The following TCF20 variants were observed in gnomAD, a reference collection of about 807,000 sequenced individuals.
TCF20 encodes the protein transcription factor 20.
In TCF20, 3 loss-of-function variants were observed where a neutral mutation model predicts 148.6. The observed-to-expected ratio is 0.02, with a 90% CI of 0.01 to 0.05. TCF20 has a LOEUF of 0.05. Ranked by LOEUF, TCF20 falls within the 10% of genes least tolerant of loss-of-function variation. TCF20 has a pLI of 1.00. For synonymous variants in TCF20, 1,049 were observed against 909.5 expected, an observed-to-expected ratio of 1.15 and a Z score of -2.76; for missense variants, 2,350 against 2,429.3, an observed-to-expected ratio of 0.97 and a Z score of 0.69.
intron 1 of TCF20, among the ~76,000 whole-genome samples, chr22:42,223,301 C>A (rs986602420): frequency 1.3e-5 from 2 of 152,214 alleles, no homozygotes; most frequent in African/African-American, 2.4e-5. Context: ...TCCTCTAGGA[C>A]AAGTTGGAGC....
intron 1 of TCF20, among the ~76,000 whole-genome samples, chr22:42,311,252 AGAAGGG>A (rs1301457432): frequency 6.6e-6 from 1 of 152,266 alleles, no homozygotes; most frequent in Non-Finnish European, 1.5e-5. Context: ...TCAGGGAGGC[AGAAGGG>A]GGCTGCCTAA....
intron 1 of TCF20, among the ~76,000 whole-genome samples, chr22:42,268,429 A>T (rs1926411379): frequency 6.6e-6 from 1 of 152,222 alleles, no homozygotes; most frequent in African/African-American, 2.4e-5. Context: ...GGATGCAGAT[A>T]ATCAGTGCAC....
At chr22:42,188,086 G>A (rs1452006877) in intron 2 of TCF20, among the ~76,000 whole-genome samples, 1 of 151,950 alleles carries the variant, frequency 6.6e-6, no homozygotes, top group Admixed American at 6.6e-5. Flanking sequence ...CTGAGGTCAC[G>A]AGTTTGAGAC....
chr22:42,318,451 G>A (rs1927673851), intron 1 of TCF20, among the ~76,000 whole-genome samples: 1 of 152,218 alleles, frequency 6.6e-6, no homozygotes, highest in Admixed American at 6.5e-5. Context: ...GAGGAGTGCG[G>A]CGCAGCGGAA....
At chr22:42,339,768 C>T (rs527518620) in intron 1 of TCF20, among the ~76,000 whole-genome samples, 5 of 152,210 alleles carry the variant, frequency 3.3e-5, no homozygotes, top group African/African-American at 1.2e-4. Flanking sequence ...CTATCCCAAG[C>T]CTGGGGCAGG....
At chr22:42,223,315 C>CA (rs1187751920) in intron 1 of TCF20, among the ~76,000 whole-genome samples, 1 of 152,212 alleles carries the variant, frequency 6.6e-6, no homozygotes, top group Non-Finnish European at 1.5e-5. Flanking sequence ...TTGGAGCTGA[C>CA]ATTCTGTAAC....
At chr22:42,223,656 T>C (rs1218006583) in intron 1 of TCF20, among the ~76,000 whole-genome samples, 1 of 152,214 alleles carries the variant, frequency 6.6e-6, no homozygotes, top group African/African-American at 2.4e-5. Flanking sequence ...ACCCAGTCTG[T>C]ATTTCCCAAT....
chr22:42,291,934 A>G lies in TCF20; in HGVS notation c.-37+51545T>C, dbSNP rs563996974. 1.1e-4 allele frequency among the ~76,000 whole-genome samples: 16 copies of G among 152,158 alleles called. No homozygotes were observed. The South Asian group carries it at 2.9e-3, about 28-fold the overall frequency. On this transcript the variant is annotated intron_variant, in intron 1 of 1. Transcript: ENST00000515426. ...GATTAAGAGCATCCAAGTTGAAACC[A>G]CAGATGTGAGGGAGGAAGGTCAGGC... is the stretch of plus-strand genomic sequence containing the variant.
At chr22:42,198,956 C>T (rs944715824) in intron 2 of TCF20, among the ~76,000 whole-genome samples, 2 of 152,128 alleles carry the variant, frequency 1.3e-5, no homozygotes, top group African/African-American at 2.4e-5. Flanking sequence ...TGAGCCACTG[C>T]GCCCTGCCCC....
intron 1 of TCF20, among the ~76,000 whole-genome samples, chr22:42,223,627 A>G (rs886822237): frequency 6.6e-6 from 1 of 152,252 alleles, no homozygotes; most frequent in African/African-American, 2.4e-5. Flanking sequence ...GATAAGATAT[A>G]TAATATGCCC....
At chr22:42,220,130 T>A (rs886257557) in intron 1 of TCF20, among the ~76,000 whole-genome samples, 23 of 152,174 alleles carry the variant, frequency 1.5e-4, no homozygotes, top group African/African-American at 5.6e-4. Context: ...GCTTTCTCTG[T>A]CCTTCTTCCT....
intron 1 of TCF20, among the ~76,000 whole-genome samples, chr22:42,266,311 T>C (rs2146990812): frequency 6.6e-6 from 1 of 152,346 alleles, no homozygotes; most frequent in South Asian, 2.1e-4. Context: ...TGTAACACAA[T>C]TTAAAATGCC....
chr22:42,180,990 C>G (rs1377172246), intron 2 of TCF20, among the ~76,000 whole-genome samples: 1 of 152,160 alleles, frequency 6.6e-6, no homozygotes, highest in East Asian at 1.9e-4. Flanking sequence ...TATCATGTGC[C>G]CTCGCACCCT....
At chr22:42,199,706 C>CAAAAAAAAAAAA (rs59845847) in intron 2 of TCF20, among the ~76,000 whole-genome samples, 1 of 33,866 alleles carries the variant, frequency 3.0e-5, no homozygotes, top group Non-Finnish European at 5.7e-5. Flanking sequence ...CCCATCTCTA[C>CAAAAAAAAAAAA]AAAAAAAAAA....
intron 1 of TCF20, among the ~76,000 whole-genome samples, chr22:42,243,310 A>AAAAAAAAACAAACAAAAAAAAAAAAC: frequency 7.1e-6 from 1 of 140,954 alleles, no homozygotes; most frequent in African/African-American, 3.0e-5. Context: ...AAAAAAAAAA[A>AAAAAAAAACAAACAAAAAAAAAAAAC]AAAAAAAAAA....
At chr22:42,185,997 AT>A (rs1234090463) in intron 2 of TCF20, among the ~76,000 whole-genome samples, 1 of 152,226 alleles carries the variant, frequency 6.6e-6, no homozygotes, top group Non-Finnish European at 1.5e-5. Context: ...TGGTACATGG[AT>A]TTAGAATCTG....
At chr22:42,295,359 C>A (rs1927213810) in intron 1 of TCF20, among the ~76,000 whole-genome samples, 1 of 152,176 alleles carries the variant, frequency 6.6e-6, no homozygotes, top group South Asian at 2.1e-4. Context: ...TGGTCCTTCC[C>A]ACCTGGCAAG....
intron 1 of TCF20, among the ~76,000 whole-genome samples, chr22:42,295,654 A>G (rs1393000780): frequency 6.6e-6 from 1 of 152,108 alleles, no homozygotes; most frequent in African/African-American, 2.4e-5. Flanking sequence ...TGTTGAGGCT[A>G]GTCTCGAACT....
chr22:42,180,263 T>C (rs546440954), intron 2 of TCF20, among the ~76,000 whole-genome samples: 2 of 152,220 alleles, frequency 1.3e-5, no homozygotes, highest in Admixed American at 6.5e-5. Context: ...TCAGAAAATA[T>C]GGGCTCCTGT....
Sources: gnomAD v4.1 joint callset for allele counts (sites outside exome capture counted in the v4.1 genomes callset) on GRCh38, gnomAD v4.1.1 for gene constraint, MANE v1.5 for transcripts, NCBI Gene and HGNC (gene_info 2026-07-23, HGNC 2026-07-21) for gene names.